Variants in TXNDC16 observed in about 807,000 individuals in gnomAD.
The protein encoded by TXNDC16 is thioredoxin domain containing 16.
In TXNDC16, 74 loss-of-function variants were observed where a neutral mutation model predicts 85.6. The observed-to-expected ratio is 0.86, with a 90% CI of 0.72 to 1.05. The LOEUF (loss-of-function observed/expected upper bound fraction) is 1.05. Among genes scored for constraint, TXNDC16 ranks in the 50% least tolerant of loss-of-function variants. The probability of loss-of-function intolerance (pLI) is 0.00; values close to 1 mark genes in which losing one functional copy is unlikely to be tolerated. For missense variants in TXNDC16, 959 were observed against 947.0 expected (o/e 1.01, Z -0.17); for synonymous variants, 335 against 326.5 (o/e 1.03, Z -0.28).
At chr14:52,445,034 A>T (rs922491020) in intron 18 of TXNDC16, among the ~76,000 whole-genome samples, 3 of 152,152 alleles carry the variant, frequency 2.0e-5, no homozygotes, top group African/African-American at 7.2e-5. Context: ...ACATTAATAT[A>T]AAAAGGCACA....
At position 52,506,527 on chromosome 14, in the gene TXNDC16, CTTT is replaced by C. The variant is rs765293725; in HGVS notation, c.756+4710_756+4712del. Reference sequence around the variant, plus strand: ...AGGCCTTTGACAAATTTCAACAACCCTTTTTTTTTTTTTTTTTTTTTTTTCTTT... The same window carrying C: ...AGGCCTTTGACAAATTTCAACAACCCTTTTTTTTTTTTTTTTTTTTTCTTT... On this transcript the variant is annotated intron_variant, in intron 9 of 20. Coordinates refer to ENST00000281741, the MANE Select transcript of TXNDC16 (RefSeq NM_020784.3). Among the ~76,000 whole-genome samples, 258 of 97,518 alleles carry C rather than the reference CTTT, an allele frequency of 2.6e-3. 2 individuals are homozygous for C. The highest frequency in any genetic ancestry group is 0.011 in the African/African-American group (248 of 22,794). 64.0% of individuals were successfully genotyped at this position (97,518 alleles called of 152,430 possible).
chr14:52,537,220 G>C (rs1178326995), intron 5 of TXNDC16, among the ~76,000 whole-genome samples: 1 of 152,004 alleles, frequency 6.6e-6, no homozygotes, highest in Non-Finnish European at 1.5e-5. Context: ...GAAACCTCAG[G>C]TAGATCAAAC....
At chr14:52,454,159 G>T (rs1170764928) in intron 18 of TXNDC16, among the ~76,000 whole-genome samples, 1 of 152,152 alleles carries the variant, frequency 6.6e-6, no homozygotes, top group African/African-American at 2.4e-5. Flanking sequence ...AGGTGCAGTG[G>T]CTCATGCTGT....
intron 14 of TXNDC16, among the ~76,000 whole-genome samples, chr14:52,474,836 G>C (rs997086935): frequency 6.6e-6 from 1 of 152,106 alleles, no homozygotes; most frequent in African/African-American, 2.4e-5. Context: ...TAAAAGGAAC[G>C]GGGACAGACA....
intron 16 of TXNDC16, among the ~76,000 whole-genome samples, chr14:52,462,544 C>T (rs2035676893): frequency 6.6e-6 from 1 of 152,226 alleles, no homozygotes; most frequent in Non-Finnish European, 1.5e-5. Context: ...GTGTTAAAAA[C>T]TCCTGACCTC....
chr14:52,444,843 T>C (rs1344650836), intron 18 of TXNDC16, among the ~76,000 whole-genome samples: 1 of 152,026 alleles, frequency 6.6e-6, no homozygotes, highest in Non-Finnish European at 1.5e-5. Flanking sequence ...AAATCCATAA[T>C]CATAGATACA....
intron 1 of TXNDC16, among the ~76,000 whole-genome samples, chr14:52,551,177 G>A (rs566894943): frequency 6.6e-6 from 1 of 152,222 alleles, no homozygotes; most frequent in African/African-American, 2.4e-5. Flanking sequence ...ACAAACGACT[G>A]TCCCAGAATC....
At chr14:52,514,795 C>T in intron 8 of TXNDC16, 85 bp downstream of exon 8, 1 of 941,698 alleles carries the variant, frequency 1.1e-6, no homozygotes, top group Non-Finnish European at 1.6e-6. Context: ...GCTGTGGGAG[C>T]ATAATGGAAA....
rs1376029857 is a variant in TXNDC16 at position 52,511,306 on chromosome 14, T to A, written c.690A>T (p.Leu230=). Residue 230 remains leucine, a synonymous_variant, in exon 9 of 21, where the codon CTA becomes CTT. Coordinates refer to ENST00000281741, the MANE Select transcript of TXNDC16 (RefSeq NM_020784.3). ...LDLTQQCRRT[L]MEQPLTTLNI... The stretch of plus-strand genomic sequence containing the variant: ...TCAGTGTAGTCAATGGCTGTTCCAT[T>A]AGTGTTCTTCTACATTGCTGGGTCA... 1.3e-5 allele frequency: 21 copies of A among 1,609,384 alleles called. No homozygotes were observed. The highest frequency in any genetic ancestry group is 1.8e-5 in the Non-Finnish European group (21 of 1,176,824).
chr14:52,535,450 G>A lies in TXNDC16; in HGVS notation c.392+1269C>T, dbSNP rs577833962. On this transcript the variant is annotated intron_variant, in intron 6 of 20. Coordinates refer to ENST00000281741, the MANE Select transcript of TXNDC16 (RefSeq NM_020784.3). ...AAGTGATAAGCACAACTTTTCACCT[G>A]TAAGTTTTGAATTTCCAGGAGTTAA... Among the ~76,000 whole-genome samples the A allele has an allele frequency of 2.6e-5, 4 of 152,246 alleles. No homozygotes were observed. The South Asian group carries it at 8.3e-4, about 32-fold the overall frequency.
chr14:52,513,934 C>T (rs2037018122), intron 8 of TXNDC16, among the ~76,000 whole-genome samples: 2 of 152,006 alleles, frequency 1.3e-5, no homozygotes, highest in African/African-American at 2.4e-5. Context: ...TCACCCATTC[C>T]AGGATGGGAA....
chr14:52,530,445 T>A lies in TXNDC16; in HGVS notation c.392+6274A>T, dbSNP rs1360240974. Reference sequence around the variant, plus strand: ...ATTATATATAATAATATATAATATATTATTATATAATAATATATATTATAT... The same window carrying A: ...ATTATATATAATAATATATAATATAATATTATATAATAATATATATTATAT... On this transcript the variant is annotated intron_variant, in intron 6 of 20. Transcript: ENST00000281741. 3.2e-3 allele frequency among the ~76,000 whole-genome samples: 46 copies of A among 14,424 alleles called. 7 individuals carry two copies. Among genetic ancestry groups the A allele is most frequent in the African/African-American group, 0.02 (44 of 2,196 alleles). The allele number at this position is 14,424 out of a possible 152,430, so 9.5% of individuals were successfully genotyped here.
intron 9 of TXNDC16, among the ~76,000 whole-genome samples, chr14:52,504,848 T>C (rs1421016457): frequency 3.3e-5 from 5 of 152,128 alleles, no homozygotes; most frequent in Middle Eastern, 6.8e-3. Flanking sequence ...GAGACACACA[T>C]AGGCTCAAAA....
intron 6 of TXNDC16, among the ~76,000 whole-genome samples, chr14:52,519,942 ATATT>A (rs1394244762): frequency 1.3e-5 from 2 of 152,134 alleles, no homozygotes; most frequent in Non-Finnish European, 2.9e-5. Context: ...AATTATTTAT[ATATT>A]TATTTACTTA....
At chr14:52,458,306 C>G (rs1341292929) in intron 16 of TXNDC16, among the ~76,000 whole-genome samples, 1 of 152,150 alleles carries the variant, frequency 6.6e-6, no homozygotes, top group Admixed American at 6.5e-5. Context: ...CGCCTGTAAT[C>G]CCAGCACTTT....
chr14:52,503,767 A>C (rs2036720049), intron 9 of TXNDC16, among the ~76,000 whole-genome samples: 2 of 152,214 alleles, frequency 1.3e-5, no homozygotes, highest in Admixed American at 6.5e-5. Context: ...TCAGACGATC[A>C]AACTACTCCG....
chr14:52,537,612 C>A lies in TXNDC16; in HGVS notation c.304G>T (p.Ala102Ser), dbSNP rs763793305. Residue 102 changes from alanine (A) to serine (S), a missense_variant, in exon 5 of 21, where the codon GCA becomes TCA. Physicochemically the swap from Ala to Ser is moderately conservative, Grantham distance 99 (BLOSUM62 1). Transcript: ENST00000281741. ...AAAATAGCTTACTTGAATAAATATG[C>A]TTTCATCAAATCCTTTTCTTTTCCA... Reference protein sequence around the residue: ...YCGKEKDLMKAYLFKGNILLR... With the variant: ...YCGKEKDLMKSYLFKGNILLR... 1 of 1,587,018 alleles carries A rather than the reference C, an allele frequency of 6.3e-7. No individual in the cohort carries two copies. Among genetic ancestry groups the A allele is most frequent in the Non-Finnish European group, 8.6e-7 (1 of 1,157,450 alleles).
chr14:52,512,327 A>G (rs1387533557), intron 8 of TXNDC16, among the ~76,000 whole-genome samples: 4 of 152,214 alleles, frequency 2.6e-5, no homozygotes, highest in Non-Finnish European at 4.4e-5. Flanking sequence ...CAAAAATACT[A>G]TAAGGAACAA....
At chr14:52,546,405 G>A (rs920694550) in intron 1 of TXNDC16, among the ~76,000 whole-genome samples, 4 of 152,206 alleles carry the variant, frequency 2.6e-5, no homozygotes, top group Non-Finnish European at 5.9e-5. Context: ...CATTACTATA[G>A]TTCTAGTTCT....
Sources: gnomAD v4.1 joint callset for allele counts (sites outside exome capture counted in the v4.1 genomes callset) on GRCh38, gnomAD v4.1.1 for gene constraint, MANE v1.5 for transcripts, NCBI Gene and HGNC (gene_info 2026-07-23, HGNC 2026-07-21) for gene names.